Variants in IL1RAPL2 observed in about 807,000 individuals in gnomAD.
The protein encoded by IL1RAPL2 is interleukin 1 receptor accessory protein like 2, also known as X-linked interleukin-1 receptor accessory protein-like 2.
Under a neutral mutation model 44.1 loss-of-function variants are expected in IL1RAPL2, and 3 were observed. The ratio of observed to expected loss-of-function variants is 0.07; its 90% confidence interval spans 0.03 to 0.18. IL1RAPL2 has a LOEUF of 0.18. IL1RAPL2 is among the 10% of genes least tolerant of loss of function. IL1RAPL2 has a pLI of 1.00. For synonymous variants in IL1RAPL2, 181 were observed against 178.8 expected (o/e 1.01, Z -0.10); for missense variants, 391 against 496.4 (o/e 0.79, Z 2.02).
At chrX:105,584,677 C>T (rs976565626) in intron 6 of IL1RAPL2, among the ~76,000 whole-genome samples, 3 of 111,288 alleles carry the variant, frequency 2.7e-5, no homozygotes, top group Non-Finnish European at 3.8e-5. Context: ...TCTAGGTTGA[C>T]AGCCTTTTTA....
At chrX:105,074,427 C>G (rs1602937021) in intron 2 of IL1RAPL2, among the ~76,000 whole-genome samples, 1 of 111,622 alleles carries the variant, frequency 9.0e-6, no homozygotes, top group Non-Finnish European at 1.9e-5. Flanking sequence ...CAGTACCATG[C>G]TGTTTTGGTT....
chrX:105,533,410 G>A (rs2036653867), intron 6 of IL1RAPL2, among the ~76,000 whole-genome samples: 1 of 111,300 alleles, frequency 9.0e-6, no homozygotes, highest in African/African-American at 3.3e-5. Flanking sequence ...TAAATCCCAG[G>A]AAATTTGACA....
intron 2 of IL1RAPL2, among the ~76,000 whole-genome samples, chrX:105,186,791 C>T (rs1342333731): frequency 8.9e-6 from 1 of 111,944 alleles, no homozygotes; most frequent in East Asian, 2.8e-4. Flanking sequence ...AATAATGTCA[C>T]CATAACTAAT....
intron 2 of IL1RAPL2, among the ~76,000 whole-genome samples, chrX:104,786,731 ACT>A (rs1932799635): frequency 9.0e-6 from 1 of 111,509 alleles, no homozygotes; most frequent in Non-Finnish European, 1.9e-5. Flanking sequence ...TACAGTAGCT[ACT>A]CTCATAGGTA....
chrX:104,683,150 G>T (rs751588247), intron 2 of IL1RAPL2, among the ~76,000 whole-genome samples: 1 of 111,324 alleles, frequency 9.0e-6, no homozygotes, highest in Non-Finnish European at 1.9e-5. Context: ...CTGCCCTACT[G>T]CACAATCTTC....
chrX:104,722,933 AAATAT>A (rs979699606), intron 2 of IL1RAPL2, among the ~76,000 whole-genome samples: 3 of 111,506 alleles, frequency 2.7e-5, no homozygotes, highest in African/African-American at 6.5e-5. Context: ...TTGATTACAA[AAATAT>A]AATTAAGTTT....
chrX:104,698,879 T>C (rs1365722041), intron 2 of IL1RAPL2, among the ~76,000 whole-genome samples: 1 of 111,639 alleles, frequency 9.0e-6, no homozygotes, highest in Admixed American at 9.5e-5. Flanking sequence ...TTAGTTAGGG[T>C]GAGGGCTATA....
chrX:105,248,480 GA>G (rs1469707085), intron 4 of IL1RAPL2, among the ~76,000 whole-genome samples: 1 of 111,147 alleles, frequency 9.0e-6, no homozygotes, highest in Admixed American at 9.6e-5. Context: ...ATGTAAAGGT[GA>G]AAAATGAAGT....
At chrX:104,627,384 A>C (rs1454834064) in intron 1 of IL1RAPL2, among the ~76,000 whole-genome samples, 4 of 106,433 alleles carry the variant, frequency 3.8e-5, no homozygotes, top group Non-Finnish European at 1.9e-5. Context: ...CCTAATGTAA[A>C]TGACGAGTTA....
intron 5 of IL1RAPL2, among the ~76,000 whole-genome samples, chrX:105,404,440 T>G (rs1488128598): frequency 8.9e-6 from 1 of 112,135 alleles, no homozygotes; most frequent in African/African-American, 3.2e-5. Context: ...ATTTGTTGCT[T>G]TTATTACAGA....
chrX:104,963,809 TA>T (rs1242842526), intron 2 of IL1RAPL2, among the ~76,000 whole-genome samples: 1 of 111,004 alleles, frequency 9.0e-6, no homozygotes, highest in Non-Finnish European at 1.9e-5. Flanking sequence ...CCTATAAGAT[TA>T]AAAAAATAAG....
At chrX:104,964,283 T>G (rs745715177) in intron 2 of IL1RAPL2, among the ~76,000 whole-genome samples, 47 of 43,478 alleles carry the variant, frequency 1.1e-3, no homozygotes, top group Middle Eastern at 9.3e-3. Context: ...GCCAGGGATT[T>G]ATTTATTTAT....
intron 5 of IL1RAPL2, among the ~76,000 whole-genome samples, chrX:105,468,639 C>T (rs1224151320): frequency 1.8e-5 from 2 of 111,466 alleles, no homozygotes; most frequent in Non-Finnish European, 3.8e-5. Flanking sequence ...AAAGAATGAC[C>T]CAGAGTGTGA....
chrX:105,263,624 T>C (rs2034378019), intron 4 of IL1RAPL2, among the ~76,000 whole-genome samples: 1 of 111,354 alleles, frequency 9.0e-6, no homozygotes, highest in Non-Finnish European at 1.9e-5. Flanking sequence ...CATTCTGGGC[T>C]TTCAACCCAG....
At position 104,947,289 on chromosome X, in the gene IL1RAPL2, G is replaced by T. The variant is rs371921813; in HGVS notation, c.83-248186G>T. ...TTTGTTTTTTTCTTGTAAATTTGTT[G>T]GAGTTCATTGTAGATTCTGGATATT... On this transcript the variant is annotated intron_variant, in intron 2 of 10. Transcript: ENST00000372582. 3.3e-3 allele frequency among the ~76,000 whole-genome samples: 340 copies of T among 103,541 alleles called. 3 individuals carry two copies. Among genetic ancestry groups the T allele is most frequent in the African/African-American group, 0.01 (294 of 28,254 alleles). 89.9% of individuals were successfully genotyped at this position (103,541 alleles called of 115,157 possible). A position where few individuals can be genotyped will look rare whatever the true frequency, so the allele number is the denominator to read the frequency against.
chrX:105,235,472 G>C (rs943016110), intron 4 of IL1RAPL2, among the ~76,000 whole-genome samples: 3 of 111,225 alleles, frequency 2.7e-5, no homozygotes, highest in Admixed American at 1.9e-4. Flanking sequence ...CAGACCCTCA[G>C]TTCCTAGGGA....
At chrX:105,425,834 CA>C (rs199990628) in intron 5 of IL1RAPL2, among the ~76,000 whole-genome samples, 2,534 of 109,548 alleles carry the variant, frequency 0.023, 77 homozygotes, top group African/African-American at 0.08. Flanking sequence ...AAAAATGCTA[CA>C]AAAAACCCCA....
At chrX:105,500,212 A>G (rs2036383683) in intron 6 of IL1RAPL2, among the ~76,000 whole-genome samples, 1 of 111,227 alleles carries the variant, frequency 9.0e-6, no homozygotes, top group South Asian at 3.8e-4. Context: ...CAATGGGTAT[A>G]GAGTTTCAGT....
intron 6 of IL1RAPL2, among the ~76,000 whole-genome samples, chrX:105,507,583 A>C (rs1480886759): frequency 9.0e-6 from 1 of 111,384 alleles, no homozygotes; most frequent in East Asian, 2.8e-4. Flanking sequence ...TTTTTACTTC[A>C]TTTTGAGAAG....
Sources: gnomAD v4.1 joint callset for allele counts (sites outside exome capture counted in the v4.1 genomes callset) on GRCh38, gnomAD v4.1.1 for gene constraint, MANE v1.5 for transcripts, NCBI Gene and HGNC (gene_info 2026-07-23, HGNC 2026-07-21) for gene names.